Variants in PCDHGB5 observed in about 807,000 individuals in gnomAD.
PCDHGB5 encodes the protein protocadherin gamma subfamily B, 5.
In PCDHGB5, 48 loss-of-function variants were observed where a neutral mutation model predicts 62.9. The observed-to-expected ratio is 0.76, with a 90% CI of 0.61 to 0.97. The LOEUF is 0.97. Among genes scored for constraint, PCDHGB5 ranks in the 50% least tolerant of loss-of-function variants. The pLI, the probability that PCDHGB5 is intolerant of heterozygous loss-of-function variation, is 0.00. For synonymous variants in PCDHGB5, 474 were observed against 511.2 expected (o/e 0.93, Z 0.98); for missense variants, 1,118 against 1,198.6 (o/e 0.93, Z 0.99).
chr5:141,419,852 G>A, intron 1 of PCDHGB5: 1 of 1,614,066 alleles, frequency 6.2e-7, no homozygotes, highest in Non-Finnish European at 8.5e-7. Flanking sequence ...CCTGGTGTTC[G>A]CAGATAGCTT....
chr5:141,471,631 G>A (rs573080972), intron 1 of PCDHGB5: 7 of 152,188 alleles, frequency 4.6e-5, no homozygotes, highest in African/African-American at 9.6e-5. Flanking sequence ...CATTGGTATG[G>A]ATTAGTAATA....
Position 141,486,674 on chromosome 5 carries a change from G to A in PCDHGB5, c.2398-8133G>A. On this transcript the variant is annotated intron_variant, in intron 1 of 3. Transcript: ENST00000617380. This position sits in a 1 kb window ranked among gnomAD's most constrained non-coding sequence, Gnocchi z 5.0. ...CTCACTCCTGGAGCCCAGGAATCGA[G>A]ATGTATCAGCTTCCTCTTTCATCTC... The A allele has an allele frequency of 1.9e-6, 3 of 1,614,080 alleles. No individual in the cohort carries two copies. Among genetic ancestry groups the A allele is most frequent in the Non-Finnish European group, 2.5e-6 (3 of 1,180,036 alleles).
chr5:141,458,390 C>T (rs2098944487), intron 1 of PCDHGB5, among the ~76,000 whole-genome samples: 1 of 152,058 alleles, frequency 6.6e-6, no homozygotes, highest in Non-Finnish European at 1.5e-5. Context: ...GAAGACGCTC[C>T]CCCTTGCAGA....
intron 1 of PCDHGB5, chr5:141,428,212 C>A (rs1295973505): frequency 8.0e-7 from 1 of 1,255,000 alleles, no homozygotes; most frequent in Non-Finnish European, 1.1e-6. Context: ...TACGCTTCAC[C>A]TAGTCTTCGC....
chr5:141,506,165 C>T (rs1359711670), intron 3 of PCDHGB5, among the ~76,000 whole-genome samples: 8 of 152,038 alleles, frequency 5.3e-5, no homozygotes, highest in South Asian at 2.1e-4. Context: ...AAGAGCACAG[C>T]CTAAGCTGGG....
intron 1 of PCDHGB5, chr5:141,414,476 C>G (rs1242647918): frequency 6.2e-7 from 1 of 1,613,920 alleles, no homozygotes; most frequent in Non-Finnish European, 8.5e-7. Context: ...GGGGGAAGTC[C>G]TCCTCTATCA....
intron 3 of PCDHGB5, among the ~76,000 whole-genome samples, chr5:141,506,444 C>CA (rs1219684339): frequency 0.017 from 1,570 of 94,842 alleles, 20 homozygotes; most frequent in African/African-American, 0.048. Flanking sequence ...CGCTCTGTCT[C>CA]AAAAAAAAAA....
intron 1 of PCDHGB5, chr5:141,415,862 A>G: frequency 1.8e-6 from 2 of 1,107,350 alleles, no homozygotes; most frequent in Non-Finnish European, 1.2e-6. Flanking sequence ...TGTAGTTTAT[A>G]GTGTTGTTGA....
chr5:141,501,331 A>ACC (rs906542724), intron 2 of PCDHGB5, among the ~76,000 whole-genome samples: 1 of 138,846 alleles, frequency 7.2e-6, no homozygotes, highest in Non-Finnish European at 1.6e-5. Flanking sequence ...ACACACACAC[A>ACC]CACCCCAAAC....
Position 141,497,143 on chromosome 5 carries a change from G to GA in PCDHGB5, c.2456+2287dup, listed in dbSNP as rs928640875. ...AGAGGTTGCAGTGAGCTGAGATCAC[G>GA]AAAAAAAAATAATCTAGCCACAAAT... On this transcript the variant is annotated intron_variant, in intron 2 of 3. Coordinates refer to ENST00000617380, the MANE Select transcript of PCDHGB5 (RefSeq NM_018925.3). 1.3e-3 allele frequency among the ~76,000 whole-genome samples: 194 copies of GA among 150,104 alleles called. 4 individuals are homozygous for GA. The highest frequency in any genetic ancestry group is 7.6e-3 in the Admixed American group (115 of 15,100).
At chr5:141,465,094 GT>G (rs138941665) in intron 1 of PCDHGB5, among the ~76,000 whole-genome samples, 203 of 148,178 alleles carry the variant, frequency 1.4e-3, no homozygotes, top group Admixed American at 7.3e-3. Context: ...TTTTCTAGTA[GT>G]TTTTTTTTTA....
intron 1 of PCDHGB5, chr5:141,424,079 C>A: frequency 3.1e-6 from 3 of 973,190 alleles, no homozygotes; most frequent in African/African-American, 1.8e-5. Context: ...TAGTTATATT[C>A]CACCATTATT....
At chr5:141,422,723 G>T in intron 1 of PCDHGB5, 1 of 1,605,958 alleles carries the variant, frequency 6.2e-7, no homozygotes, top group South Asian at 1.1e-5. Flanking sequence ...ACTGTCCAGG[G>T]GGTGCCTCTG....
intron 1 of PCDHGB5, among the ~76,000 whole-genome samples, chr5:141,484,819 G>A (rs2099601374): frequency 1.3e-5 from 2 of 152,122 alleles, no homozygotes; most frequent in Admixed American, 1.3e-4. Flanking sequence ...GCCGTTGAGC[G>A]GGAGGAAGGC....
At chr5:141,462,503 A>G (rs1338834436) in intron 1 of PCDHGB5, among the ~76,000 whole-genome samples, 1 of 152,060 alleles carries the variant, frequency 6.6e-6, no homozygotes, top group East Asian at 1.9e-4. Context: ...ATAATTGTCA[A>G]CTAGATCAAG....
chr5:141,403,415 C>A, intron 1 of PCDHGB5: 1 of 1,614,046 alleles, frequency 6.2e-7, no homozygotes, highest in East Asian at 2.2e-5. Context: ...TTATCCACTT[C>A]CAGAAGCTAT....
At chr5:141,488,978 C>T (rs1346335195) in intron 1 of PCDHGB5, 4 of 388,976 alleles carry the variant, frequency 1.0e-5, no homozygotes, top group African/African-American at 2.1e-5. Flanking sequence ...GCCAATCAGA[C>T]TCAGAGCTGA....
intron 1 of PCDHGB5, chr5:141,433,260 C>A: frequency 1.5e-6 from 2 of 1,352,308 alleles, no homozygotes; most frequent in South Asian, 1.4e-5. Flanking sequence ...GCGGTACGAT[C>A]ATAGCTCACT....
At position 141,489,258 on chromosome 5, in the gene PCDHGB5, C is replaced by T. The variant is rs1594800449; in HGVS notation, c.2398-5549C>T. 3.2e-6 allele frequency: 5 copies of T among 1,551,530 alleles called. No individual in the cohort carries two copies. Among genetic ancestry groups the T allele is most frequent in the African/African-American group, 1.4e-5 (1 of 73,276 alleles). On this transcript the variant is annotated intron_variant, in intron 1 of 3. Coordinates refer to ENST00000617380, the MANE Select transcript of PCDHGB5 (RefSeq NM_018925.3). This position sits in a 1 kb window ranked among gnomAD's most constrained non-coding sequence, Gnocchi z 4.5. Reference sequence around the variant, plus strand: ...TCTGGGTCATGGGGCCCAAGACACTCCCACAGCTCGCTGGGAAATGGCAAG... The same window carrying T: ...TCTGGGTCATGGGGCCCAAGACACTTCCACAGCTCGCTGGGAAATGGCAAG...
Sources: gnomAD v4.1 joint callset for allele counts (sites outside exome capture counted in the v4.1 genomes callset) on GRCh38, gnomAD v4.1.1 for gene constraint, Gnocchi (gnomAD v3.1) non-coding constraint, MANE v1.5 for transcripts, NCBI Gene and HGNC (gene_info 2026-07-23, HGNC 2026-07-21) for gene names.